The following MINDY4 variants were observed in gnomAD, a reference collection of about 807,000 sequenced individuals.
MINDY4 encodes the protein MINDY lysine 48 deubiquitinase 4.
A neutral mutation model predicts 87.0 loss-of-function variants in MINDY4; 68 were observed. That is an observed-to-expected ratio of 0.78 (90% CI 0.64 to 0.96). The LOEUF is 0.96. Among genes scored for constraint, MINDY4 ranks in the 40% least tolerant of loss-of-function variants. The pLI is 0.00. For missense variants in MINDY4, 919 were observed against 928.2 expected, an observed-to-expected ratio of 0.99 and a Z score of 0.13; for synonymous variants, 379 against 363.2, an observed-to-expected ratio of 1.04 and a Z score of -0.50.
At position 30,860,532 on chromosome 7, in the gene MINDY4, C is replaced by T. The variant is rs188278302; in HGVS notation, c.1745+1208C>T. On this transcript the variant is annotated intron_variant, in intron 13 of 17. Transcript: ENST00000265299. The stretch of plus-strand genomic sequence containing the variant: ...CTGGTTTGGCTCATTTCTGGGCTGA[C>T]GGGTTGGGTGGGAGTCTCCAGATCT... 7.0e-4 allele frequency among the ~76,000 whole-genome samples: 107 copies of T among 152,232 alleles called. 2 individuals carry two copies. In the East Asian group the frequency reaches 0.019, roughly 28 times the overall value.
intron 16 of MINDY4, 132 bp downstream of exon 16, chr7:30,882,493 G>C: frequency 7.0e-6 from 6 of 855,614 alleles, no homozygotes; most frequent in Non-Finnish European, 1.0e-5. Flanking sequence ...CATCCAGACT[G>C]GGGGATCAGA....
intron 15 of MINDY4, among the ~76,000 whole-genome samples, chr7:30,877,415 A>G (rs566294331): frequency 6.6e-6 from 1 of 152,260 alleles, no homozygotes; most frequent in East Asian, 1.9e-4. Context: ...CCCTACAACC[A>G]TCTCCCCTCC....
chr7:30,785,890 G>A lies in MINDY4; in HGVS notation c.561G>A (p.Ser187=), dbSNP rs74821332. ...SAWEKIDKLH[S]EPSLDVKRMG... ...GGGAGAAGATAGACAAGCTTCACTC[G>A]GAGCCTTCCTTGGATGTGAAGAGGA... The change falls in exon 4 of 18, where the codon TCG becomes TCA. Residue 187 remains serine, a synonymous_variant. Coordinates refer to ENST00000265299, the MANE Select transcript of MINDY4 (RefSeq NM_032222.3). The A allele has an allele frequency of 6.3e-4, 1,022 of 1,614,214 alleles. 5 individuals are homozygous for A. The African/African-American group carries it at 0.011, about 17-fold the overall frequency.
intron 15 of MINDY4, among the ~76,000 whole-genome samples, chr7:30,880,470 C>T (rs568397844): frequency 6.6e-6 from 1 of 152,276 alleles, no homozygotes; most frequent in African/African-American, 2.4e-5. Context: ...AATCTCTCGA[C>T]TGTTACTTCT....
At chr7:30,842,032 A>T (rs1396732378) in intron 9 of MINDY4, among the ~76,000 whole-genome samples, 1 of 152,188 alleles carries the variant, frequency 6.6e-6, no homozygotes, top group Non-Finnish European at 1.5e-5. Flanking sequence ...CTCCAATGAA[A>T]CACATTTCAC....
intron 7 of MINDY4, among the ~76,000 whole-genome samples, chr7:30,838,673 G>A (rs1788935285): frequency 6.6e-6 from 1 of 152,170 alleles, no homozygotes; most frequent in African/African-American, 2.4e-5. Context: ...CTGCACTAGA[G>A]CACTGGCTCT....
At chr7:30,785,269 G>GAC (rs3138796) in intron 3 of MINDY4, among the ~76,000 whole-genome samples, 4,593 of 138,524 alleles carry the variant, frequency 0.033, 80 homozygotes, top group African/African-American at 0.042. Context: ...CTCTCTCTCT[G>GAC]ACACACACAC....
rs920977142 is a variant in MINDY4, at chr7:30,854,823, A to C, written c.1677+1364A>C. Among the ~76,000 whole-genome samples the C allele has an allele frequency of 2.6e-5, 4 of 152,194 alleles. No homozygotes were observed. The East Asian group carries it at 5.8e-4, about 22-fold the overall frequency. The stretch of plus-strand genomic sequence containing the variant: ...GGTAGGCAATGGGGCCTACCCTAGG[A>C]ACAAAAGGAGGCAGGTGAGGTCACC... On this transcript the variant is annotated intron_variant, in intron 12 of 17. Transcript: ENST00000265299.
In MINDY4 at chr7:30,858,706, C is replaced by T. The variant is rs181476124; in HGVS notation, c.1678-551C>T. 1.2e-3 allele frequency: 225 copies of T among 187,366 alleles called. 2 individuals are homozygous for T. Among genetic ancestry groups the T allele is most frequent in the African/African-American group, 4.7e-3 (197 of 42,176 alleles). The allele number at this position is 187,366 out of a possible 1,614,324, so 11.6% of individuals were successfully genotyped here. A position where few individuals can be genotyped will look rare whatever the true frequency, so the allele number is the denominator to read the frequency against. On this transcript the variant is annotated intron_variant, in intron 12 of 17. Transcript: ENST00000265299. Reference sequence around the variant, plus strand: ...CATGCATCTACATGGCTGCCTCCTTCGCCTCACCAGATCCTGACTCTGCTC... The same window carrying T: ...CATGCATCTACATGGCTGCCTCCTTTGCCTCACCAGATCCTGACTCTGCTC...
chr7:30,825,908 T>G (rs1382439758), intron 5 of MINDY4, among the ~76,000 whole-genome samples: 1 of 152,202 alleles, frequency 6.6e-6, no homozygotes, highest in African/African-American at 2.4e-5. Context: ...TGAGCTAAAG[T>G]CAAGGTGTTG....
At chr7:30,862,733 C>T (rs1280851031) in intron 13 of MINDY4, among the ~76,000 whole-genome samples, 4 of 152,204 alleles carry the variant, frequency 2.6e-5, no homozygotes, top group African/African-American at 9.7e-5. Flanking sequence ...CACTTCTTGA[C>T]CACAAGAAAA....
In MINDY4 at chr7:30,877,301, G is replaced by A. The variant is rs566834494; in HGVS notation, c.1971+1645G>A. On this transcript the variant is annotated intron_variant, in intron 15 of 17. Coordinates refer to ENST00000265299, the MANE Select transcript of MINDY4 (RefSeq NM_032222.3). ...CTGGTTTCATTCTTGGGTCGAGGGC[G>A]TTGGTCAGAGAGTAAACTATTTTCC... Among the ~76,000 whole-genome samples, 9 of 152,320 alleles carry A rather than the reference G, an allele frequency of 5.9e-5. No homozygotes were observed. The South Asian group carries it at 1.2e-3, about 21-fold the overall frequency.
At chr7:30,829,130 G>A (rs1788617266) in intron 6 of MINDY4, among the ~76,000 whole-genome samples, 2 of 152,218 alleles carry the variant, frequency 1.3e-5, no homozygotes, top group African/African-American at 4.8e-5. Context: ...GTTTATCAGT[G>A]TATTATGGAG....
intron 15 of MINDY4, among the ~76,000 whole-genome samples, chr7:30,879,635 G>C (rs1790398342): frequency 6.6e-6 from 1 of 152,156 alleles, no homozygotes; most frequent in African/African-American, 2.4e-5. Flanking sequence ...CCCTCCACCT[G>C]CCCAGCTTTT....
At chr7:30,808,319 A>G (rs531459880) in intron 5 of MINDY4, among the ~76,000 whole-genome samples, 142 of 152,268 alleles carry the variant, frequency 9.3e-4, no homozygotes, top group African/African-American at 3.2e-3. Flanking sequence ...TGGCATACCT[A>G]TACCGGCACT....
At chr7:30,801,667 G>C (rs1416784899) in intron 5 of MINDY4, among the ~76,000 whole-genome samples, 2 of 152,126 alleles carry the variant, frequency 1.3e-5, no homozygotes, top group Non-Finnish European at 2.9e-5. Flanking sequence ...AGGCCACTCT[G>C]AGCCCTCCAA....
chr7:30,859,302 A>T lies in MINDY4; in HGVS notation c.1723A>T (p.Ile575Phe), dbSNP rs917152020. Residue 575 changes from isoleucine to phenylalanine, a missense_variant, in exon 13 of 18, where the codon ATC becomes TTC. Coordinates refer to ENST00000265299, the MANE Select transcript of MINDY4 (RefSeq NM_032222.3). ...CTGCATCCTGCTCACCCTTTCTGCC[A>T]TCCTGTCCAGGTCTACAGAGCTGTG... Reference protein sequence around the residue: ...YGCILLTLSAILSRSTELIRQ... With the variant: ...YGCILLTLSAFLSRSTELIRQ... The T allele has an allele frequency of 5.0e-6, 8 of 1,613,970 alleles. No homozygotes were observed. Among genetic ancestry groups the T allele is most frequent in the Non-Finnish European group, 6.8e-6 (8 of 1,180,024 alleles).
intron 13 of MINDY4, among the ~76,000 whole-genome samples, chr7:30,863,992 C>T (rs183073771): frequency 5.8e-4 from 89 of 152,324 alleles, no homozygotes; most frequent in Middle Eastern, 3.4e-3. Flanking sequence ...CTGGGCAGCA[C>T]TGAGCATGGG....
intron 9 of MINDY4, among the ~76,000 whole-genome samples, chr7:30,849,351 C>G (rs1351814260): frequency 6.6e-6 from 1 of 152,162 alleles, no homozygotes; most frequent in Non-Finnish European, 1.5e-5. Flanking sequence ...TAGGGAGAGA[C>G]CAGCTAGCTT....
Sources: allele counts gnomAD v4.1 joint callset (sites outside exome capture counted in the v4.1 genomes callset), GRCh38; gene constraint gnomAD v4.1.1; transcripts MANE v1.5; gene names NCBI Gene and HGNC (gene_info 2026-07-23, HGNC 2026-07-21).